UNC13C: variants seen among roughly 807,000 people sequenced by gnomAD.
UNC13C encodes unc-13 homolog C.
UNC13C carries 174 observed loss-of-function variants against 245.4 expected under a neutral mutation model. The ratio of observed to expected loss-of-function variants is 0.71; its 90% CI spans 0.63 to 0.80. The LOEUF (loss-of-function observed/expected upper bound fraction) is 0.80. Among genes scored for constraint, UNC13C ranks in the 30% least tolerant of loss-of-function variants. The pLI, the probability that UNC13C is intolerant of heterozygous loss-of-function variation, is 0.00. For missense variants in UNC13C, 2,829 were observed against 2,602.9 expected, an observed-to-expected ratio of 1.09 and a Z score of -1.89; for synonymous variants, 992 against 895.1, an observed-to-expected ratio of 1.11 and a Z score of -1.93.
At chr15:54,553,422 T>TATAA (rs1896952691) in intron 28 of UNC13C, among the ~76,000 whole-genome samples, 1 of 132,268 alleles carries the variant, frequency 7.6e-6, no homozygotes, top group Non-Finnish European at 1.6e-5. Flanking sequence ...ATATATAATA[T>TATAA]TATATATAAT....
At chr15:54,362,092 G>T (rs537236017) in intron 17 of UNC13C, among the ~76,000 whole-genome samples, 1 of 152,280 alleles carries the variant, frequency 6.6e-6, no homozygotes, top group South Asian at 2.1e-4. Context: ...TCTCCTTACT[G>T]TGGCATCCAT....
At chr15:54,218,573 G>C (rs1243633403) in intron 4 of UNC13C, among the ~76,000 whole-genome samples, 1 of 151,966 alleles carries the variant, frequency 6.6e-6, no homozygotes, top group Non-Finnish European at 1.5e-5. Context: ...AAAGACAGAA[G>C]TTGAAAGAGA....
chr15:54,387,017 A>C (rs1437895480), intron 17 of UNC13C, among the ~76,000 whole-genome samples: 1 of 152,132 alleles, frequency 6.6e-6, no homozygotes, highest in Non-Finnish European at 1.5e-5. Flanking sequence ...CTTCACAAGG[A>C]TCCTTGATCT....
chr15:54,538,229 C>G (rs1896084863), intron 26 of UNC13C, among the ~76,000 whole-genome samples: 1 of 125,396 alleles, frequency 8.0e-6, no homozygotes, highest in African/African-American at 2.9e-5. Context: ...AAGCAGCTAA[C>G]AAGCATAAAG....
chr15:54,089,636 A>G (rs1595838628), intron 2 of UNC13C, among the ~76,000 whole-genome samples: 2 of 148,428 alleles, frequency 1.3e-5, no homozygotes, highest in African/African-American at 2.5e-5. Flanking sequence ...CAGTGAAAGC[A>G]CTTATGGTTA....
intron 7 of UNC13C, among the ~76,000 whole-genome samples, chr15:54,238,343 G>A (rs1032463196): frequency 1.3e-5 from 2 of 152,032 alleles, no homozygotes; most frequent in African/African-American, 4.8e-5. Context: ...AAAGTGCTGG[G>A]ATTACAGGTG....
intron 10 of UNC13C, among the ~76,000 whole-genome samples, chr15:54,265,951 T>G (rs1027649421): frequency 1.2e-4 from 19 of 152,026 alleles, no homozygotes; most frequent in African/African-American, 4.6e-4. Flanking sequence ...TGATGATAAC[T>G]GTTATAACCT....
intron 27 of UNC13C, 75 bp downstream of exon 27, chr15:54,546,920 T>G (rs564081014): frequency 1.5e-6 from 2 of 1,299,068 alleles, no homozygotes; most frequent in Non-Finnish European, 2.1e-6. Flanking sequence ...TTCATCCAGA[T>G]GAAATACTAA....
rs190463777 is a variant in UNC13C, at chr15:54,021,743, A to T, written c.2983+5857A>T. Among the ~76,000 whole-genome samples the T allele has an allele frequency of 4.6e-5, 7 of 152,346 alleles. No individual in the cohort carries two copies. In the East Asian group the frequency reaches 9.6e-4, roughly 21 times the overall value. On this transcript the variant is annotated intron_variant, in intron 2 of 32. Coordinates refer to ENST00000260323, the MANE Select transcript of UNC13C (RefSeq NM_001080534.3). The stretch of plus-strand genomic sequence containing the variant: ...GACACTTCAGTTGATGATGGACTGC[A>T]TATATGACAGTCTGTATACATGATG...
chr15:54,085,311 G>A (rs1899175669), intron 2 of UNC13C, among the ~76,000 whole-genome samples: 1 of 152,150 alleles, frequency 6.6e-6, no homozygotes, highest in South Asian at 2.1e-4. Context: ...AAGTTTAGTT[G>A]CACTTTTGAC....
rs7161800 is a variant in UNC13C, at chr15:54,443,447, G to T, written c.4933+28380G>T. Among the ~76,000 whole-genome samples the T allele has an allele frequency of 5.0e-3, 760 of 151,658 alleles. 6 individuals carry two copies. The highest frequency in any genetic ancestry group is 0.017 in the African/African-American group (711 of 41,410). On this transcript the variant is annotated intron_variant, in intron 19 of 32. Coordinates refer to ENST00000260323, the MANE Select transcript of UNC13C (RefSeq NM_001080534.3). Reference sequence around the variant, plus strand: ...TTATTTCTTTCTTTCAACTAATTTCGGATTTGGTTTCTTCTTGCTTTTCTT... The same window carrying T: ...TTATTTCTTTCTTTCAACTAATTTCTGATTTGGTTTCTTCTTGCTTTTCTT...
At chr15:54,456,704 C>G (rs1891552414) in intron 19 of UNC13C, among the ~76,000 whole-genome samples, 1 of 151,714 alleles carries the variant, frequency 6.6e-6, no homozygotes, top group Admixed American at 6.6e-5. Flanking sequence ...TATAGCAATG[C>G]TCCTAATTTG....
At chr15:54,291,572 G>A (rs115628527) in intron 10 of UNC13C, among the ~76,000 whole-genome samples, 19 of 151,860 alleles carry the variant, frequency 1.3e-4, no homozygotes, top group African/African-American at 3.4e-4. Context: ...GAATAATGGC[G>A]TCTTATAGCT....
chr15:54,577,501 C>A (rs2681970), intron 30 of UNC13C, among the ~76,000 whole-genome samples: 4,581 of 152,236 alleles, frequency 0.03, 257 homozygotes, highest in African/African-American at 0.1. Flanking sequence ...GGCTTACTCC[C>A]TGTTTCCCAA....
chr15:54,547,994 C>T (rs907925434), intron 27 of UNC13C, among the ~76,000 whole-genome samples: 2 of 152,016 alleles, frequency 1.3e-5, no homozygotes, highest in African/African-American at 4.8e-5. Flanking sequence ...AAAGAAAAAG[C>T]TCTCACCTTG....
chr15:54,484,394 A>G (rs763792688), intron 19 of UNC13C, among the ~76,000 whole-genome samples: 2 of 152,208 alleles, frequency 1.3e-5, no homozygotes, highest in Non-Finnish European at 2.9e-5. Flanking sequence ...TAAAATTGAG[A>G]CATGATACAT....
chr15:54,239,197 C>T (rs774357921), intron 7 of UNC13C, among the ~76,000 whole-genome samples: 1 of 152,154 alleles, frequency 6.6e-6, no homozygotes, highest in Non-Finnish European at 1.5e-5. Context: ...AACATTTAAA[C>T]ACCATTTTTA....
At chr15:54,158,374 G>C (rs911692765) in intron 4 of UNC13C, among the ~76,000 whole-genome samples, 61 of 152,064 alleles carry the variant, frequency 4.0e-4, no homozygotes, top group Admixed American at 2.8e-3. Context: ...TGTCGCCCAG[G>C]CTGGAGTACA....
the UNC13C span, among the ~76,000 whole-genome samples, chr15:53,847,126 A>C: frequency 2.0e-5 from 3 of 152,328 alleles, no homozygotes; most frequent in Admixed American, 6.5e-5. Context: ...TAGACCCTAC[A>C]TAAAAACAAA....
Sources: allele counts gnomAD v4.1 joint callset (sites outside exome capture counted in the v4.1 genomes callset), GRCh38; gene constraint gnomAD v4.1.1; transcripts MANE v1.5; gene names NCBI Gene and HGNC (gene_info 2026-07-23, HGNC 2026-07-21).